CSMD1: variants seen among roughly 807,000 people sequenced by gnomAD.
CSMD1 encodes CUB and sushi domain-containing protein 1.
In CSMD1, 213 loss-of-function variants were observed where a neutral mutation model predicts 417.5. The ratio of observed to expected loss-of-function variants is 0.51; its 90% confidence interval spans 0.46 to 0.57. The LOEUF (loss-of-function observed/expected upper bound fraction) is 0.57. CSMD1 is among the 20% of genes least tolerant of loss of function. The pLI is 0.00. For missense variants in CSMD1, 6,923 were observed against 4,529.7 expected (o/e 1.53, Z -15.17); for synonymous variants, 2,862 against 1,736.8 (o/e 1.65, Z -16.11).
chr8:3,269,324 G>A (rs753161805), intron 26 of CSMD1, among the ~76,000 whole-genome samples: 4 of 152,184 alleles, frequency 2.6e-5, no homozygotes, highest in Admixed American at 1.3e-4. Context: ...AGAGGGGAGC[G>A]ATGGCTCCAG....
At chr8:4,626,150 G>A (rs934427241) in intron 2 of CSMD1, among the ~76,000 whole-genome samples, 16 of 152,110 alleles carry the variant, frequency 1.1e-4, no homozygotes, top group African/African-American at 3.6e-4. Flanking sequence ...CCTTTACAAA[G>A]CTATTTTAGG....
intron 5 of CSMD1, among the ~76,000 whole-genome samples, chr8:3,816,074 C>G (rs1261119964): frequency 6.6e-6 from 1 of 152,146 alleles, no homozygotes; most frequent in African/African-American, 2.4e-5. Context: ...CAATACTTGC[C>G]TTCCTGACAA....
chr8:4,670,423 G>T (rs112002005), intron 1 of CSMD1, among the ~76,000 whole-genome samples: 1 of 152,150 alleles, frequency 6.6e-6, no homozygotes, highest in African/African-American at 2.4e-5. Context: ...GTGTGTTTTG[G>T]ATAGTCAAGG....
At chr8:4,146,459 TTAACAA>T (rs1804131765) in intron 3 of CSMD1, among the ~76,000 whole-genome samples, 1 of 150,398 alleles carries the variant, frequency 6.6e-6, no homozygotes, top group African/African-American at 2.5e-5. Flanking sequence ...AAGTGTAGAG[TTAACAA>T]TGTTGAAAAG....
intron 5 of CSMD1, among the ~76,000 whole-genome samples, chr8:3,836,521 C>G (rs1802713301): frequency 6.6e-6 from 1 of 152,114 alleles, no homozygotes; most frequent in African/African-American, 2.4e-5. Flanking sequence ...ACATCTTACC[C>G]TTTAGAGCAA....
intron 2 of CSMD1, among the ~76,000 whole-genome samples, chr8:4,545,429 A>C (rs992518514): frequency 1.3e-5 from 2 of 152,222 alleles, no homozygotes; most frequent in African/African-American, 4.8e-5. Context: ...AGAGTCCTAC[A>C]TATTAGGAGA....
chr8:3,840,693 ATTT>A (rs34360211), intron 5 of CSMD1, among the ~76,000 whole-genome samples: 1 of 134,800 alleles, frequency 7.4e-6, no homozygotes. Flanking sequence ...CTTTTTTTTA[ATTT>A]TTTTTTTTTT....
At chr8:3,924,201 G>C (rs1467203333) in intron 5 of CSMD1, among the ~76,000 whole-genome samples, 2 of 152,094 alleles carry the variant, frequency 1.3e-5, no homozygotes. Flanking sequence ...CATAACTTTG[G>C]ATATATCGAT....
intron 50 of CSMD1, among the ~76,000 whole-genome samples, chr8:3,045,640 G>C (rs764480043): frequency 6.6e-6 from 1 of 152,080 alleles, no homozygotes; most frequent in African/African-American, 2.4e-5. Context: ...AGTGGCACCT[G>C]TTTCCTGCTT....
At chr8:4,794,875 C>A (rs76705125) in intron 1 of CSMD1, among the ~76,000 whole-genome samples, 1 of 152,106 alleles carries the variant, frequency 6.6e-6, no homozygotes, top group Admixed American at 6.5e-5. Context: ...GTGATGATGA[C>A]TGCAGATTGC....
intron 52 of CSMD1, among the ~76,000 whole-genome samples, chr8:3,009,211 C>CA (rs1340071803): frequency 3.9e-5 from 6 of 152,196 alleles, no homozygotes; most frequent in Non-Finnish European, 7.3e-5. Flanking sequence ...ACTTGAAGCT[C>CA]ACGTCTTCAG....
At chr8:3,143,760 A>AT (rs2129032353) in intron 40 of CSMD1, among the ~76,000 whole-genome samples, 1 of 152,324 alleles carries the variant, frequency 6.6e-6, no homozygotes, top group East Asian at 1.9e-4. Flanking sequence ...CTTTAAAAAA[A>AT]TTTTTGCATC....
At chr8:3,675,704 C>A (rs1023227354) in intron 7 of CSMD1, among the ~76,000 whole-genome samples, 4 of 152,024 alleles carry the variant, frequency 2.6e-5, no homozygotes, top group African/African-American at 9.7e-5. Context: ...CGGGTCCTTG[C>A]AAGACTCTGA....
At chr8:4,594,954 T>C (rs1800176659) in intron 2 of CSMD1, among the ~76,000 whole-genome samples, 1 of 152,220 alleles carries the variant, frequency 6.6e-6, no homozygotes, top group African/African-American at 2.4e-5. Context: ...AGTAGTTGAA[T>C]GTTTTTCATA....
chr8:3,195,055 T>G lies in CSMD1; in HGVS notation c.5194+4659A>C, dbSNP rs564554176. Among the ~76,000 whole-genome samples, 31 of 152,350 alleles carry G rather than the reference T, an allele frequency of 2.0e-4. No individual in the cohort carries two copies. The South Asian group carries it at 6.4e-3, about 32-fold the overall frequency. The stretch of plus-strand genomic sequence containing the variant: ...GTAAATCCTTGCAGTTTACTCATTT[T>G]GGTGTGACTGTGTGATCTGGAAGGA... On this transcript the variant is annotated intron_variant, in intron 33 of 69. Coordinates refer to ENST00000635120, the MANE Select transcript of CSMD1 (RefSeq NM_033225.6).
intron 3 of CSMD1, among the ~76,000 whole-genome samples, chr8:4,327,337 C>A (rs1308854574): frequency 2.0e-5 from 3 of 152,078 alleles, no homozygotes; most frequent in Non-Finnish European, 4.4e-5. Context: ...AAGAGAGAAT[C>A]AGAATAGGCA....
intron 10 of CSMD1, among the ~76,000 whole-genome samples, chr8:3,524,160 C>A (rs752442603): frequency 3.3e-5 from 5 of 151,518 alleles, no homozygotes; most frequent in Non-Finnish European, 7.4e-5. Context: ...CATGCACAGC[C>A]AGAGACGTGC....
chr8:3,999,721 G>A (rs1205543738), intron 4 of CSMD1, among the ~76,000 whole-genome samples: 1 of 152,120 alleles, frequency 6.6e-6, no homozygotes, highest in Admixed American at 6.5e-5. Context: ...GCTAATGGCA[G>A]CTTTAGAATG....
chr8:4,972,572 A>T (rs910002438), intron 1 of CSMD1, among the ~76,000 whole-genome samples: 1 of 152,150 alleles, frequency 6.6e-6, no homozygotes, highest in Non-Finnish European at 1.5e-5. Context: ...AGTCAATTAA[A>T]TATCTTTCCT....
Sources: gnomAD v4.1 joint callset for allele counts (sites outside exome capture counted in the v4.1 genomes callset) on GRCh38, gnomAD v4.1.1 for gene constraint, MANE v1.5 for transcripts, NCBI Gene and HGNC (gene_info 2026-07-23, HGNC 2026-07-21) for gene names.